TENM2: variants seen among roughly 807,000 people sequenced by gnomAD.
TENM2 encodes teneurin transmembrane protein 2.
Under a neutral mutation model 245.2 loss-of-function variants are expected in TENM2, and 52 were observed. The ratio of observed to expected loss-of-function variants is 0.21; its 90% CI spans 0.17 to 0.27. The LOEUF (loss-of-function observed/expected upper bound fraction) is 0.27, where lower values mean the gene tolerates loss of function less well. Ranked by LOEUF, TENM2 falls within the 10% of genes least tolerant of loss-of-function variation. The pLI is 1.00. For synonymous variants in TENM2, 1,363 were observed against 1,438.9 expected (o/e 0.95, Z 1.19); for missense variants, 3,046 against 3,666.8 (o/e 0.83, Z 4.37).
intron 2 of TENM2, among the ~76,000 whole-genome samples, chr5:167,478,209 A>G (rs1767521824): frequency 6.6e-6 from 1 of 152,248 alleles, no homozygotes; most frequent in Non-Finnish European, 1.5e-5. Flanking sequence ...TGAAGAAAAT[A>G]AAACAATCCA....
At chr5:167,223,469 A>T in the TENM2 span, among the ~76,000 whole-genome samples, 2 of 152,008 alleles carry the variant, frequency 1.3e-5, no homozygotes, top group African/African-American at 4.8e-5. Context: ...GACTTGCTTC[A>T]CTTAACATAA....
intron 2 of TENM2, among the ~76,000 whole-genome samples, chr5:167,479,150 T>C (rs1767595355): frequency 6.6e-6 from 1 of 152,192 alleles, no homozygotes; most frequent in African/African-American, 2.4e-5. Context: ...AGTTAGAAAG[T>C]TAGACACTGG....
intron 2 of TENM2, among the ~76,000 whole-genome samples, chr5:167,693,050 C>G (rs1309376462): frequency 6.6e-6 from 1 of 152,176 alleles, no homozygotes; most frequent in East Asian, 1.9e-4. Flanking sequence ...TTTTACATAG[C>G]CTTTGCGAGA....
At chr5:167,767,721 T>G (rs1763127577) in intron 2 of TENM2, among the ~76,000 whole-genome samples, 1 of 152,234 alleles carries the variant, frequency 6.6e-6, no homozygotes, top group South Asian at 2.1e-4. Context: ...ATTTAAAACA[T>G]TTTAAAGGAA....
At chr5:167,782,246 G>C (rs936722179) in intron 2 of TENM2, among the ~76,000 whole-genome samples, 9 of 144,130 alleles carry the variant, frequency 6.2e-5, no homozygotes, top group Non-Finnish European at 1.3e-4. Flanking sequence ...CCAGGAGGTA[G>C]AGGTTGCGGT....
exon 27 of TENM2, chr5:168,248,347 C>A (rs567948414): frequency 1.2e-6 from 2 of 1,613,188 alleles, no homozygotes; most frequent in African/African-American, 1.3e-5. Flanking sequence ...CAGCAGTGAG[C>A]TAGATTTGAA....
chr5:167,299,975 A>G (rs1236465709), intron 1 of TENM2, among the ~76,000 whole-genome samples: 3 of 152,194 alleles, frequency 2.0e-5, no homozygotes, highest in African/African-American at 7.2e-5. Flanking sequence ...TGTGATTTTT[A>G]GGGCCTTTAA....
intron 2 of TENM2, among the ~76,000 whole-genome samples, chr5:167,852,072 T>G (rs1054545816): frequency 6.6e-6 from 1 of 152,220 alleles, no homozygotes; most frequent in East Asian, 1.9e-4. Context: ...GAAATGGTTT[T>G]TAAATTATTT....
the TENM2 span, among the ~76,000 whole-genome samples, chr5:167,206,362 G>C: frequency 6.6e-6 from 1 of 152,154 alleles, no homozygotes; most frequent in African/African-American, 2.4e-5. Context: ...GCTCTCATGA[G>C]GGGAGGAACA....
chr5:167,798,884 C>T (rs985148181), intron 2 of TENM2, among the ~76,000 whole-genome samples: 5 of 152,168 alleles, frequency 3.3e-5, no homozygotes, highest in Non-Finnish European at 7.3e-5. Context: ...GTATGCTGAA[C>T]CCTACCCTTG....
intron 9 of TENM2, among the ~76,000 whole-genome samples, chr5:168,102,490 G>A (rs1166537638): frequency 6.6e-6 from 1 of 152,206 alleles, no homozygotes; most frequent in Non-Finnish European, 1.5e-5. Context: ...ACTTTGATTA[G>A]CATCCAAGCC....
Position 168,244,698 on chromosome 5 carries a change from C to G in TENM2, c.5799C>G (p.Ser1933Arg), listed in dbSNP as rs765784436. The G allele has an allele frequency of 6.8e-7, 1 of 1,466,214 alleles. No individual in the cohort carries two copies. Among genetic ancestry groups the G allele is most frequent in the Non-Finnish European group, 9.1e-7 (1 of 1,099,048 alleles). 90.8% of individuals were successfully genotyped at this position (1,466,214 alleles called of 1,614,324 possible). ...TGTTCGCTGACGGGAAAGTGTGGAG[C>G]TACTCCTACCTTGACAAGGTAGGTG... The change falls in exon 26 of 29, where the codon AGC becomes AGG. Residue 1933 changes from serine to arginine, a missense_variant. Coordinates refer to ENST00000518659, the Ensembl canonical transcript of TENM2. The surrounding 1 kb of genome is among the most constrained non-coding windows in gnomAD (Gnocchi z 4.9).
At chr5:167,872,603 C>T (rs549166240) in intron 2 of TENM2, among the ~76,000 whole-genome samples, 2 of 151,798 alleles carry the variant, frequency 1.3e-5, no homozygotes, top group South Asian at 2.1e-4. Flanking sequence ...TTGCTGGGGG[C>T]AGATCTAGGG....
At chr5:167,415,665 T>C (rs1396375175) in intron 2 of TENM2, among the ~76,000 whole-genome samples, 1 of 151,870 alleles carries the variant, frequency 6.6e-6, no homozygotes, top group Non-Finnish European at 1.5e-5. Flanking sequence ...TTGACATTGT[T>C]GAAGCAAAAA....
At chr5:167,450,565 C>G (rs574300994) in intron 2 of TENM2, among the ~76,000 whole-genome samples, 62 of 152,124 alleles carry the variant, frequency 4.1e-4, no homozygotes, top group African/African-American at 1.4e-3. Flanking sequence ...TAAGCTTATT[C>G]TTTGACTTTT....
the TENM2 span, among the ~76,000 whole-genome samples, chr5:167,037,544 G>T: frequency 1.3e-5 from 2 of 152,196 alleles, no homozygotes; most frequent in Non-Finnish European, 2.9e-5. Context: ...ACTACAGAGA[G>T]AGTTATACTG....
intron 5 of TENM2, among the ~76,000 whole-genome samples, chr5:168,017,844 C>T (rs1414215276): frequency 1.3e-5 from 2 of 152,164 alleles, no homozygotes; most frequent in Non-Finnish European, 2.9e-5. Context: ...ATCTTTATGC[C>T]ATTTTTGCCC....
intron 25 of TENM2, among the ~76,000 whole-genome samples, chr5:168,235,319 A>G (rs1224054893): frequency 6.6e-6 from 1 of 152,240 alleles, no homozygotes; most frequent in Non-Finnish European, 1.5e-5. Context: ...GATAAATTTA[A>G]TATTAGTTTA....
chr5:166,985,005 G>C, the TENM2 span, among the ~76,000 whole-genome samples: 6 of 152,110 alleles, frequency 3.9e-5, no homozygotes, highest in Admixed American at 1.3e-4. Context: ...GATGCTAAAA[G>C]TAATTTGATG....
Sources: gnomAD v4.1 joint callset for allele counts (sites outside exome capture counted in the v4.1 genomes callset) on GRCh38, gnomAD v4.1.1 for gene constraint, Gnocchi (gnomAD v3.1) non-coding constraint, MANE v1.5 for transcripts, NCBI Gene and HGNC (gene_info 2026-07-23, HGNC 2026-07-21) for gene names.